Variants in P2RX1 observed in about 807,000 individuals in gnomAD.
The protein encoded by P2RX1 is P2X purinoceptor 1.
A neutral mutation model predicts 50.3 loss-of-function variants in P2RX1; 42 were observed. The observed-to-expected ratio is 0.83, with a 90% confidence interval of 0.65 to 1.08. The LOEUF (loss-of-function observed/expected upper bound fraction) is 1.08. P2RX1 is among the 50% of genes least tolerant of loss of function. The probability of loss-of-function intolerance (pLI) is 0.00; values close to 1 mark genes in which losing one functional copy is unlikely to be tolerated. For synonymous variants in P2RX1, 199 were observed against 202.6 expected, an observed-to-expected ratio of 0.98 and a Z score of 0.15; for missense variants, 449 against 529.0, an observed-to-expected ratio of 0.85 and a Z score of 1.48.
chr17:3,897,784 T>C lies in P2RX1; in HGVS notation c.*30A>G. The C allele has an allele frequency of 1.9e-6, 3 of 1,606,730 alleles. No individual in the cohort carries two copies. Among genetic ancestry groups the C allele is most frequent in the Non-Finnish European group, 2.6e-6 (3 of 1,175,748 alleles). On this transcript the variant is annotated 3_prime_UTR_variant, in exon 12 of 12. Coordinates refer to ENST00000225538, the MANE Select transcript of P2RX1 (RefSeq NM_002558.4). ...AGGGCTCCAGGCTGAAGCCTCACGC[T>C]GCACCCAGTCAGGAGTTGGGGCCCG...
In P2RX1 at chr17:3,903,809, T is replaced by A; in HGVS notation, c.524+119A>T. ...GACCCAGGGGAATCTTCAGCCTAGG[T>A]TGCGCGGATGGGGTGAGGGTGGGGT... On this transcript the variant is annotated intron_variant, in intron 5 of 11. Coordinates refer to ENST00000225538, the MANE Select transcript of P2RX1 (RefSeq NM_002558.4). The surrounding 1 kb of genome is among the most constrained non-coding windows in gnomAD (Gnocchi z 4.6). The A allele has an allele frequency of 9.2e-7, 1 of 1,092,808 alleles. No homozygotes were observed. The highest frequency in any genetic ancestry group is 1.4e-6 in the Non-Finnish European group (1 of 719,390). The allele number at this position is 1,092,808 out of a possible 1,614,324, so 67.7% of individuals were successfully genotyped here. A position where few individuals can be genotyped will look rare whatever the true frequency, so the allele number is the denominator to read the frequency against.
At chr17:3,899,799 G>A (rs767121336) in intron 7 of P2RX1, 38 bp from the exon 8 acceptor site, 2 of 1,609,896 alleles carry the variant, frequency 1.2e-6, no homozygotes, top group Admixed American at 1.7e-5. Context: ...TGGGATTTCA[G>A]GATCAAAAAC....
intron 1 of P2RX1, among the ~76,000 whole-genome samples, chr17:3,913,271 G>T (rs539414823): frequency 2.6e-5 from 4 of 151,796 alleles, no homozygotes; most frequent in Non-Finnish European, 5.9e-5. Flanking sequence ...GATTACAGGC[G>T]TGCACCACCA....
chr17:3,903,410 G>A lies in P2RX1; in HGVS notation c.606-67C>T. 6.2e-7 allele frequency: 1 copy of A among 1,607,296 alleles called. No individual in the cohort carries two copies. The highest frequency in any genetic ancestry group is 8.5e-7 in the Non-Finnish European group (1 of 1,175,818). On this transcript the variant is annotated intron_variant, in intron 6 of 11. Coordinates refer to ENST00000225538, the MANE Select transcript of P2RX1 (RefSeq NM_002558.4). This position sits in a 1 kb window ranked among gnomAD's most constrained non-coding sequence, Gnocchi z 4.6. ...GGGAGGGTGCCCACCACGCCCCAAA[G>A]CCTGGGGACCCCTCACAGGCTCCAC...
Position 3,904,455 on chromosome 17 carries a change from G to A in P2RX1, c.358-56C>T. On this transcript the variant is annotated intron_variant, in intron 3 of 11. Transcript: ENST00000225538. ...CCCCTTGGGTGGGGTCCTGAGAAGA[G>A]CCCCTCTCCCCACCCCCCAGGGCCC... The A allele has an allele frequency of 4.7e-6, 7 of 1,481,192 alleles. 1 individual carries two copies. In the South Asian group the frequency reaches 8.1e-5, roughly 17 times the overall value. 91.8% of individuals were successfully genotyped at this position (1,481,192 alleles called of 1,614,324 possible). A position where few individuals can be genotyped will look rare whatever the true frequency, so the allele number is the denominator to read the frequency against.
intron 1 of P2RX1, among the ~76,000 whole-genome samples, chr17:3,908,417 C>T (rs545631420): frequency 2.6e-5 from 4 of 152,020 alleles, no homozygotes; most frequent in Non-Finnish European, 5.9e-5. Flanking sequence ...AAAAACTAGC[C>T]GGGCATGGTG....
chr17:3,908,663 C>G (rs370728863), intron 1 of P2RX1, among the ~76,000 whole-genome samples: 1 of 152,196 alleles, frequency 6.6e-6, no homozygotes, highest in Non-Finnish European at 1.5e-5. Context: ...GGAAGACAAC[C>G]AAGAGGGCCT....
chr17:3,905,271 A>T lies in P2RX1; in HGVS notation c.234T>A (p.Pro78=), dbSNP rs1462252751. 6.2e-7 allele frequency: 1 copy of T among 1,613,738 alleles called. No individual in the cohort carries two copies. Among genetic ancestry groups the T allele is most frequent in the Non-Finnish European group, 8.5e-7 (1 of 1,180,010 alleles). Residue 78 remains proline, a synonymous_variant, in exon 2 of 12, where the codon CCT becomes CCA. Coordinates refer to ENST00000225538, the MANE Select transcript of P2RX1 (RefSeq NM_002558.4). ...CATCCCAGACCTGGGGGCCGAGGCC[A>T]GGGAGCTGGGTCACGGCCAGGCCCT... is the stretch of plus-strand genomic sequence containing the variant. The part of the protein sequence containing the change: ...KLKGLAVTQL[P]GLGPQVWDVA...
rs2056195052 is a variant in P2RX1, at chr17:3,903,564, A to C, written c.592T>G (p.Phe198Val). The C allele has an allele frequency of 6.2e-7, 1 of 1,614,174 alleles. No individual in the cohort carries two copies. Among genetic ancestry groups the C allele is most frequent in the East Asian group, 2.2e-5 (1 of 44,884 alleles). Residue 198 changes from phenylalanine to valine, a missense_variant, in exon 6 of 12, where the codon TTC becomes GTC. By Grantham distance (50) the Phe-to-Val change is conservative. Coordinates refer to ENST00000225538, the MANE Select transcript of P2RX1 (RefSeq NM_002558.4). The surrounding 1 kb of genome is among the most constrained non-coding windows in gnomAD (Gnocchi z 4.6). ...TTTCCCACGCACCTGTTGACCTTGA[A>C]GCGTGGAAAGCTGATGCTGTTCTTG... ...FIKNSISFPRFKVNRRNLVEE... is the reference protein window; with the variant it reads ...FIKNSISFPRVKVNRRNLVEE...
rs1182383223 is a variant in P2RX1, at chr17:3,905,351, CAT to C, written c.152_153del (p.Tyr51Ter). On this transcript the variant is annotated frameshift_variant, in exon 2 of 12. Transcript: ENST00000225538. LOFTEE classifies it high-confidence loss of function. ...LVYVIGWVFLYEKGYQTSSGL... is the reference protein window; with the variant it reads ...LVYVIGWVFLXEKGYQTSSGL... The stretch of plus-strand genomic sequence containing the variant: ...CCGCTCGAGGTCTGGTAGCCCTTCT[CAT>C]AGAGAAACACCCACCTGTGCGGGTG... 1 of 1,613,658 alleles carries C rather than the reference CAT, an allele frequency of 6.2e-7. No homozygotes were observed. Among genetic ancestry groups the C allele is most frequent in the African/African-American group, 1.3e-5 (1 of 74,948 alleles).
chr17:3,912,069 A>G (rs984570511), intron 1 of P2RX1, among the ~76,000 whole-genome samples: 8 of 152,228 alleles, frequency 5.3e-5, no homozygotes, highest in African/African-American at 1.9e-4. Context: ...CACTGTGAAG[A>G]CAGAGAACTT....
intron 3 of P2RX1, 153 bp from the exon 4 acceptor site, chr17:3,904,552 C>T (rs2056222838): frequency 2.8e-6 from 2 of 723,144 alleles, no homozygotes. Flanking sequence ...TCCCCCATTT[C>T]CCCCCACACT....
In P2RX1 at chr17:3,897,118, G is replaced by A. The variant is rs1267564293; in HGVS notation, c.*696C>T. 4 of 153,382 alleles carry A rather than the reference G, an allele frequency of 2.6e-5. No individual in the cohort carries two copies. Among genetic ancestry groups the A allele is most frequent in the Non-Finnish European group, 5.8e-5 (4 of 68,900 alleles). 9.5% of individuals were successfully genotyped at this position (153,382 alleles called of 1,614,324 possible). The stretch of plus-strand genomic sequence containing the variant: ...TCGAGGACGGCACTTCTTAAACTTA[G>A]GTCCCAGAATGGCCTGGGGAGTTTG... On this transcript the variant is annotated 3_prime_UTR_variant, in exon 12 of 12. Transcript: ENST00000225538.
intron 1 of P2RX1, among the ~76,000 whole-genome samples, chr17:3,907,909 C>G (rs533750771): frequency 6.6e-6 from 1 of 152,348 alleles, no homozygotes; most frequent in Non-Finnish European, 1.5e-5. Context: ...TCCTGGGCCC[C>G]TCTGCAGGAC....
chr17:3,913,652 G>A (rs548138998), intron 1 of P2RX1, among the ~76,000 whole-genome samples: 2 of 152,204 alleles, frequency 1.3e-5, no homozygotes, highest in South Asian at 2.1e-4. Context: ...CCCACCCTTC[G>A]TCTGAGTTGT....
In P2RX1 at chr17:3,914,809, C is replaced by A. The variant is rs779481837; in HGVS notation, c.137+1280G>T. 6.6e-6 allele frequency among the ~76,000 whole-genome samples: 1 copy of A among 152,184 alleles called. No individual in the cohort carries two copies. The highest frequency in any genetic ancestry group is 1.5e-5 in the Non-Finnish European group (1 of 68,034). ...CTGTGGACCTGGAAACCCCACTGCC[C>A]CTCTCTGGGCCTCAGTTTCCCTCAC... On this transcript the variant is annotated intron_variant, in intron 1 of 11. Transcript: ENST00000225538. This position sits in a 1 kb window ranked among gnomAD's most constrained non-coding sequence, Gnocchi z 4.1.
chr17:3,901,599 G>T (rs2143980358), intron 7 of P2RX1, among the ~76,000 whole-genome samples: 1 of 152,196 alleles, frequency 6.6e-6, no homozygotes, highest in South Asian at 2.1e-4. Context: ...TCTGGCCCTT[G>T]AAAAAAAAGT....
Position 3,897,459 on chromosome 17 carries a change from C to T in P2RX1, c.*355G>A, listed in dbSNP as rs931370879. ...CACCTATGGTTACTGACTGCCACAT[C>T]GGAGAGCACAGATCTAGAGAAATGG... On this transcript the variant is annotated 3_prime_UTR_variant, in exon 12 of 12. Coordinates refer to ENST00000225538, the MANE Select transcript of P2RX1 (RefSeq NM_002558.4). 1.0e-5 allele frequency: 4 copies of T among 397,372 alleles called. No homozygotes were observed. Among genetic ancestry groups the T allele is most frequent in the Admixed American group, 7.3e-5 (2 of 27,252 alleles). 24.6% of individuals were successfully genotyped at this position (397,372 alleles called of 1,614,324 possible). A position where few individuals can be genotyped will look rare whatever the true frequency, so the allele number is the denominator to read the frequency against.
At chr17:3,913,572 CTG>C (rs1400895656) in intron 1 of P2RX1, among the ~76,000 whole-genome samples, 1 of 152,212 alleles carries the variant, frequency 6.6e-6, no homozygotes, top group East Asian at 1.9e-4. Context: ...CCTCCTGAGT[CTG>C]TGTTCTTGGC....
Sources: gnomAD v4.1 joint callset for allele counts (sites outside exome capture counted in the v4.1 genomes callset) on GRCh38, gnomAD v4.1.1 for gene constraint, Gnocchi (gnomAD v3.1) non-coding constraint, MANE v1.5 for transcripts, NCBI Gene and HGNC (gene_info 2026-07-23, HGNC 2026-07-21) for gene names.